Variants in ARL17B observed in about 807,000 individuals in gnomAD.
ARL17B encodes the protein ADP-ribosylation factor-like protein 17.
chr17:46,312,783 C>T (rs1213487223), intron 3 of ARL17B, among the ~76,000 whole-genome samples: 1 of 49,800 alleles, frequency 2.0e-5, no homozygotes, highest in African/African-American at 8.5e-5. Flanking sequence ...TCATGTAGCA[C>T]TCACATTCTT....
chr17:46,283,654 C>T (rs2696512), intron 4 of ARL17B, among the ~76,000 whole-genome samples: 1 of 151,952 alleles, frequency 6.6e-6, no homozygotes, highest in African/African-American at 2.4e-5. Flanking sequence ...GGGTGTTTCT[C>T]GTTAAGTGGA....
intron 4 of ARL17B, among the ~76,000 whole-genome samples, chr17:46,283,916 G>T (rs1598073042): frequency 6.6e-6 from 1 of 152,248 alleles, no homozygotes; most frequent in East Asian, 1.9e-4. Flanking sequence ...AGAATTAAGT[G>T]CTGTGCTTTA....
intron 3 of ARL17B, among the ~76,000 whole-genome samples, chr17:46,312,779 A>G (rs202001505): frequency 0.31 from 9,688 of 31,348 alleles, 213 homozygotes; most frequent in East Asian, 0.39. Flanking sequence ...CCAGTCATGT[A>G]GCACTCACAT....
At position 46,324,987 on chromosome 17, in the gene ARL17B, T is replaced by G. The variant is rs1313577837; in HGVS notation, c.260-25322A>C. Among the ~76,000 whole-genome samples the G allele has an allele frequency of 6.4e-5, 5 of 78,308 alleles. 1 individual carries two copies. The highest frequency in any genetic ancestry group is 1.7e-4 in the African/African-American group (5 of 29,762). 51.4% of individuals were successfully genotyped at this position (78,308 alleles called of 152,430 possible). ...GGCAAGCTAAATAGAGACTCAGTTA[T>G]GCTAGGGCTGGTTGAGGGAATTTTG... On this transcript the variant is annotated intron_variant, in intron 3 of 4. Coordinates refer to the ARL17B transcript ENST00000434041.
intron 4 of ARL17B, among the ~76,000 whole-genome samples, chr17:46,278,605 T>C (rs2049665598): frequency 6.6e-6 from 1 of 151,756 alleles, no homozygotes; most frequent in Non-Finnish European, 1.5e-5. Context: ...GGTTTCACCA[T>C]CTTGGCCAGG....
intron 3 of ARL17B, among the ~76,000 whole-genome samples, chr17:46,319,166 G>T (rs1284989562): frequency 1.2e-4 from 3 of 24,492 alleles, no homozygotes; most frequent in African/African-American, 5.8e-4. Context: ...GTTGCTGCAA[G>T]ACTTTGGTTA....
intron 3 of ARL17B, among the ~76,000 whole-genome samples, chr17:46,350,630 GC>G (rs2052709202): frequency 1.2e-5 from 1 of 86,562 alleles, no homozygotes; most frequent in African/African-American, 3.6e-5. Flanking sequence ...ACTTTGGGAG[GC>G]CAAGGTGGGC....
chr17:46,291,812 CAG>C (rs1304609339), intron 4 of ARL17B, among the ~76,000 whole-genome samples: 1 of 151,754 alleles, frequency 6.6e-6, no homozygotes, highest in Non-Finnish European at 1.5e-5. Flanking sequence ...CAAAATTAGC[CAG>C]AGATGGTGGC....
intron 4 of ARL17B, among the ~76,000 whole-genome samples, chr17:46,283,131 A>G (rs1416224973): frequency 6.6e-6 from 1 of 152,172 alleles, no homozygotes; most frequent in East Asian, 1.9e-4. Flanking sequence ...AAAATAAAAT[A>G]AAATAACCGA....
chr17:46,350,843 G>T (rs2052717378), intron 3 of ARL17B, among the ~76,000 whole-genome samples: 1 of 40,250 alleles, frequency 2.5e-5, no homozygotes, highest in African/African-American at 8.0e-5. Context: ...ACGAGACCCT[G>T]TCTCCAAAAA....
intron 4 of ARL17B, among the ~76,000 whole-genome samples, chr17:46,283,142 G>A (rs2049815091): frequency 6.6e-6 from 1 of 152,086 alleles, no homozygotes; most frequent in Admixed American, 6.6e-5. Flanking sequence ...AAATAACCGA[G>A]TATGCACAAT....
intron 4 of ARL17B, among the ~76,000 whole-genome samples, chr17:46,284,349 C>A (rs911037000): frequency 3.3e-5 from 5 of 152,256 alleles, no homozygotes; most frequent in African/African-American, 1.2e-4. Context: ...AAGGAGCATG[C>A]TGCCTTCAAG....
At chr17:46,317,127 T>A (rs1362472301) in intron 3 of ARL17B, among the ~76,000 whole-genome samples, 1 of 88,156 alleles carries the variant, frequency 1.1e-5, no homozygotes, top group Non-Finnish European at 3.4e-5. Flanking sequence ...AGCTGTTGGG[T>A]ACACCTCCCA....
intron 4 of ARL17B, among the ~76,000 whole-genome samples, chr17:46,290,575 C>T (rs557214639): frequency 6.6e-6 from 1 of 152,244 alleles, no homozygotes; most frequent in African/African-American, 2.4e-5. Context: ...GCCTCCCAGG[C>T]AGCTGGGATT....
intron 3 of ARL17B, among the ~76,000 whole-genome samples, chr17:46,300,442 C>G (rs1480566533): frequency 2.0e-4 from 5 of 24,594 alleles, no homozygotes; most frequent in African/African-American, 4.2e-4. Context: ...TATAAAAATG[C>G]AATAACAGAT....
chr17:46,280,618 G>A (rs1337825865), intron 4 of ARL17B, among the ~76,000 whole-genome samples: 1 of 127,242 alleles, frequency 7.9e-6, no homozygotes, highest in Non-Finnish European at 1.6e-5. Context: ...CTGACACCCA[G>A]GCTGGAGTGC....
intron 3 of ARL17B, among the ~76,000 whole-genome samples, chr17:46,350,583 G>A (rs1342478063): frequency 2.2e-5 from 2 of 89,156 alleles, no homozygotes; most frequent in African/African-American, 6.7e-5. Context: ...AAAGGGGGGG[G>A]GAGGCCAGGC....
chr17:46,316,223 CA>C lies in ARL17B; in HGVS notation c.260-16559del, dbSNP rs755145307. The stretch of plus-strand genomic sequence containing the variant: ...ACAGGCCTGAGCCACTGCGCCCAGC[CA>C]GTGCTTTTTATTTCTTTGTGCAGAT... On this transcript the variant is annotated intron_variant, in intron 3 of 4. Transcript: ENST00000434041. Among the ~76,000 whole-genome samples, 30 of 18,164 alleles carry C rather than the reference CA, an allele frequency of 1.7e-3. 1 individual carries two copies. In the East Asian group the frequency reaches 0.019, roughly 11 times the overall value. The allele number at this position is 18,164 out of a possible 152,430, so 11.9% of individuals were successfully genotyped here. A position where few individuals can be genotyped will look rare whatever the true frequency, so the allele number is the denominator to read the frequency against.
At chr17:46,321,357 GAA>G (rs763727306) in intron 3 of ARL17B, among the ~76,000 whole-genome samples, 8 of 31,362 alleles carry the variant, frequency 2.6e-4, no homozygotes, top group Admixed American at 1.1e-3. Flanking sequence ...CTCCGTCTCA[GAA>G]AAAAAAAAAA....
Sources: gnomAD v4.1 joint callset for allele counts (sites outside exome capture counted in the v4.1 genomes callset) on GRCh38, gnomAD v4.1.1 for gene constraint, MANE v1.5 for transcripts, NCBI Gene and HGNC (gene_info 2026-07-23, HGNC 2026-07-21) for gene names.